MYO9B: variants seen among roughly 807,000 people sequenced by gnomAD.
MYO9B encodes the protein myosin IXB, also known as unconventional myosin-IXb.
MYO9B carries 71 observed loss-of-function variants against 229.5 expected under a neutral mutation model. That is an observed-to-expected ratio of 0.31 (90% CI 0.26 to 0.38). The LOEUF (loss-of-function observed/expected upper bound fraction) is 0.38, where lower values mean the gene tolerates loss of function less well. Among genes scored for constraint, MYO9B ranks in the 10% least tolerant of loss-of-function variants. The pLI is 1.00. For synonymous variants in MYO9B, 1,185 were observed against 1,235.8 expected (o/e 0.96, Z 0.86); for missense variants, 2,255 against 2,920.5 (o/e 0.77, Z 5.25).
In MYO9B at chr19:17,195,108, T is replaced by C; in HGVS notation, c.3681T>C (p.Val1227=). 1.2e-6 allele frequency: 2 copies of C among 1,612,354 alleles called. No individual in the cohort carries two copies. Among genetic ancestry groups the C allele is most frequent in the South Asian group, 2.2e-5 (2 of 91,052 alleles). The change falls in exon 22 of 40, where the codon GTT becomes GTC. Residue 1227 remains valine, a synonymous_variant. Coordinates refer to ENST00000682292, the MANE Select transcript of MYO9B (RefSeq NM_004145.4). The surrounding 1 kb of genome is among the most constrained non-coding windows in gnomAD (Gnocchi z 4.5). ...CAGAGCAACCCCAGGCCATGGCAGTTGGCAAGGTCTCTGAAGAAACTGAGA... is the reference window on the plus strand; with the variant it reads ...CAGAGCAACCCCAGGCCATGGCAGTCGGCAAGGTCTCTGAAGAAACTGAGA... ...QPTEQPQAMA[V]GKVSEETEKT... is the part of the protein sequence containing the mutation.
intron 1 of MYO9B, among the ~76,000 whole-genome samples, chr19:17,093,699 G>C (rs984564629): frequency 2.3e-5 from 3 of 130,388 alleles, no homozygotes; most frequent in African/African-American, 5.4e-5. Context: ...GGGGTGGGGG[G>C]GGGGGTGGTT....
chr19:17,143,688 C>CGGG (rs139432213), intron 2 of MYO9B, among the ~76,000 whole-genome samples: 2 of 151,678 alleles, frequency 1.3e-5, no homozygotes, highest in African/African-American at 2.4e-5. Flanking sequence ...TTTGAGAGGC[C>CGGG]GGGGCGGGCA....
intron 6 of MYO9B, among the ~76,000 whole-genome samples, chr19:17,155,514 A>T (rs2072527299): frequency 6.6e-6 from 1 of 152,240 alleles, no homozygotes; most frequent in Non-Finnish European, 1.5e-5. Context: ...ATGGTGGCTC[A>T]TGCCTGTTAT....
chr19:17,209,817 C>A, intron 36 of MYO9B, 108 bp downstream of exon 36: 9 of 846,796 alleles, frequency 1.1e-5, no homozygotes, highest in Non-Finnish European at 1.2e-5. Flanking sequence ...TGAGTGGGGT[C>A]TTGGTGGGCG....
intron 37 of MYO9B, 148 bp downstream of exon 37, chr19:17,210,528 C>A: frequency 8.1e-7 from 1 of 1,238,946 alleles, no homozygotes; most frequent in Non-Finnish European, 1.1e-6. Context: ...TGCCTGCTGA[C>A]CTTCTGTGCT....
At chr19:17,115,904 C>T (rs780454166) in intron 2 of MYO9B, among the ~76,000 whole-genome samples, 1 of 151,816 alleles carries the variant, frequency 6.6e-6, no homozygotes, top group African/African-American at 2.4e-5. Flanking sequence ...GACATACATA[C>T]GTATTCATAA....
At chr19:17,200,870 C>T (rs772920481) in intron 26 of MYO9B, 41 bp downstream of exon 26, 34 of 1,592,808 alleles carry the variant, frequency 2.1e-5, no homozygotes, top group Non-Finnish European at 2.9e-5. Context: ...GAGGCCCGGT[C>T]CCCAGGGGAA....
intron 2 of MYO9B, chr19:17,103,776 C>G (rs2057767669): frequency 6.6e-6 from 1 of 152,174 alleles, no homozygotes; most frequent in South Asian, 2.1e-4. Context: ...AAATAAGTCA[C>G]TGGGCGCGGT....
At position 17,200,380 on chromosome 19, in the gene MYO9B, C is replaced by T. The variant is rs369044517; in HGVS notation, c.4326C>T (p.Ser1442=). The change falls in exon 25 of 40, where the codon TCC becomes TCT. Residue 1442 remains serine (S), a synonymous_variant. Coordinates refer to ENST00000682292, the MANE Select transcript of MYO9B (RefSeq NM_004145.4). ...CAGAGGAGCTGGAGAATGCAGTGTCCGGGCACGTGGTGCTGGAAGCCACCA... is the reference window on the plus strand; with the variant it reads ...CAGAGGAGCTGGAGAATGCAGTGTCTGGGCACGTGGTGCTGGAAGCCACCA... The part of the protein sequence containing the change: ...EGAEELENAV[S]GHVVLEATTM... 42 of 1,602,436 alleles carry T rather than the reference C, an allele frequency of 2.6e-5. No homozygotes were observed. The highest frequency in any genetic ancestry group is 4.5e-5 in the East Asian group (2 of 44,554).
At chr19:17,098,908 C>T (rs1003771483) in intron 1 of MYO9B, among the ~76,000 whole-genome samples, 11 of 148,998 alleles carry the variant, frequency 7.4e-5, no homozygotes, top group African/African-American at 2.7e-4. Context: ...TGCACCCCAG[C>T]CTGGGAAGTA....
At chr19:17,141,765 A>C (rs2072343038) in intron 2 of MYO9B, among the ~76,000 whole-genome samples, 1 of 152,192 alleles carries the variant, frequency 6.6e-6, no homozygotes, top group Non-Finnish European at 1.5e-5. Context: ...ATCTTCATCC[A>C]GGTGATGGTT....
Position 17,138,364 on chromosome 19 carries a change from T to C in MYO9B, c.841-7033T>C, listed in dbSNP as rs529218661. Among the ~76,000 whole-genome samples, 22 of 152,286 alleles carry C rather than the reference T, an allele frequency of 1.4e-4. No individual in the cohort carries two copies. In the South Asian group the frequency reaches 4.4e-3, roughly 30 times the overall value. On this transcript the variant is annotated intron_variant, in intron 2 of 39. Coordinates refer to ENST00000682292, the MANE Select transcript of MYO9B (RefSeq NM_004145.4). The stretch of plus-strand genomic sequence containing the variant: ...TGAATAGTGCCGCAGTAAACATACG[T>C]GTGCATGTATCTCTATCGCAGAATG...
Position 17,162,414 on chromosome 19 carries a change from T to C in MYO9B, c.1484T>C (p.Leu495Pro). Reference protein sequence around the residue: ...LYSALFDWIVLRINHALLNKK... With the variant: ...LYSALFDWIVPRINHALLNKK... ...AGCGCCCTGTTCGACTGGATTGTGC[T>C]GCGGATCAACCACGCACTCCTCAAC... The change falls in exon 9 of 40, where the codon CTG (leucine) becomes CCG (proline). Residue 495 changes from leucine (L) to proline (P), a missense_variant. Around this residue, in one of 7 missense-constraint regions of MYO9B, gnomAD observed 220 missense variants for 404.5 expected, o/e 0.54. Coordinates refer to ENST00000682292, the MANE Select transcript of MYO9B (RefSeq NM_004145.4). 1 of 1,587,988 alleles carries C rather than the reference T, an allele frequency of 6.3e-7. No individual in the cohort carries two copies. The highest frequency in any genetic ancestry group is 8.6e-7 in the Non-Finnish European group (1 of 1,168,332).
At chr19:17,107,865 A>G (rs1391784310) in intron 2 of MYO9B, among the ~76,000 whole-genome samples, 5 of 152,134 alleles carry the variant, frequency 3.3e-5, no homozygotes, top group Admixed American at 3.3e-4. Flanking sequence ...ATAAGGTCAC[A>G]TACACAGTTT....
intron 1 of MYO9B, among the ~76,000 whole-genome samples, chr19:17,078,690 T>C (rs2057508322): frequency 6.6e-6 from 1 of 152,184 alleles, no homozygotes; most frequent in Non-Finnish European, 1.5e-5. Context: ...TCGGAAGTAG[T>C]GGCTGGCCCC....
intron 2 of MYO9B, among the ~76,000 whole-genome samples, chr19:17,119,518 A>G (rs1321576767): frequency 1.3e-5 from 2 of 152,100 alleles, no homozygotes; most frequent in Non-Finnish European, 2.9e-5. Context: ...GTGCGCTCCC[A>G]TCCTTACTCT....
At chr19:17,109,274 C>T (rs1480970930) in intron 2 of MYO9B, among the ~76,000 whole-genome samples, 1 of 150,940 alleles carries the variant, frequency 6.6e-6, no homozygotes, top group Non-Finnish European at 1.5e-5. Context: ...ACCGTGTTAG[C>T]CAGAATGGTC....
intron 2 of MYO9B, among the ~76,000 whole-genome samples, chr19:17,135,116 A>G (rs1467127698): frequency 1.3e-5 from 2 of 152,166 alleles, no homozygotes; most frequent in Non-Finnish European, 2.9e-5. Flanking sequence ...TAGTGCTGAA[A>G]TGAACGTGAG....
Position 17,202,302 on chromosome 19 carries a change from A to G in MYO9B, c.4835A>G (p.Lys1612Arg), listed in dbSNP as rs2073115355. ...ACCAAGAACGACTTCGAGCCAGTGA[A>G]GGTGGGCAGCCCAGCATGCCACGCC... ...GYTKNDFEPV[K>R]QSKAQKKKRK... The change falls in exon 28 of 40, where the codon AAG becomes AGG. Residue 1612 changes from lysine (K) to arginine (R), a missense_variant and splice_region_variant. Around this residue, in one of 7 missense-constraint regions of MYO9B, gnomAD observed 416 missense variants for 605.5 expected, o/e 0.69. Transcript: ENST00000682292. 1 of 1,559,210 alleles carries G rather than the reference A, an allele frequency of 6.4e-7. No individual in the cohort carries two copies. The highest frequency in any genetic ancestry group is 1.4e-5 in the African/African-American group (1 of 73,378).
Sources: allele counts gnomAD v4.1 joint callset (sites outside exome capture counted in the v4.1 genomes callset), GRCh38; gene constraint gnomAD v4.1.1; regional missense constraint gnomAD v4.1.1; non-coding constraint Gnocchi (gnomAD v3.1); transcripts MANE v1.5; gene names NCBI Gene and HGNC (gene_info 2026-07-23, HGNC 2026-07-21).